The following MYO3B variants were observed in gnomAD, a reference collection of about 807,000 sequenced individuals.
The protein encoded by MYO3B is myosin IIIB.
A neutral mutation model predicts 174.6 loss-of-function variants in MYO3B; 156 were observed. The ratio of observed to expected loss-of-function variants is 0.89; its 90% confidence interval spans 0.78 to 1.02. The LOEUF (loss-of-function observed/expected upper bound fraction) is 1.02, where lower values mean the gene tolerates loss of function less well. MYO3B is among the 50% of genes least tolerant of loss of function. The pLI, the probability that MYO3B is intolerant of heterozygous loss-of-function variation, is 0.00. For synonymous variants in MYO3B, 563 were observed against 569.1 expected, an observed-to-expected ratio of 0.99 and a Z score of 0.15; for missense variants, 1,632 against 1,639.4, an observed-to-expected ratio of 1.00 and a Z score of 0.08.
chr2:170,523,090 ATC>A (rs1688783733), intron 30 of MYO3B, among the ~76,000 whole-genome samples: 2 of 152,128 alleles, frequency 1.3e-5, no homozygotes, highest in African/African-American at 2.4e-5. Context: ...TGGTGTTTCA[ATC>A]TCTCTGGTGC....
At chr2:170,472,462 G>T (rs1453595712) in intron 25 of MYO3B, among the ~76,000 whole-genome samples, 2 of 152,108 alleles carry the variant, frequency 1.3e-5, no homozygotes, top group Non-Finnish European at 2.9e-5. Flanking sequence ...TCAGTCTGCT[G>T]TCTTAGCCAA....
At chr2:170,400,402 CTTTTT>C (rs10676575) in intron 17 of MYO3B, 88 bp downstream of exon 17, 228 of 999,922 alleles carry the variant, frequency 2.3e-4, no homozygotes, top group Middle Eastern at 6.2e-4. Context: ...TTTGCTGGTC[CTTTTT>C]TTTTTTTTTT....
intron 32 of MYO3B, among the ~76,000 whole-genome samples, chr2:170,649,085 T>TATATAATGTATATTATATATAAAAC (rs1698680665): frequency 1.3e-5 from 1 of 76,014 alleles, no homozygotes; most frequent in African/African-American, 6.0e-5. Context: ...ATATATAAAA[T>TATATAATGTATATTATATATAAAAC]AATATATAAT....
chr2:170,386,118 AT>A (rs2094372322), intron 12 of MYO3B, 70 bp from the exon 13 acceptor site: 6 of 1,255,888 alleles, frequency 4.8e-6, no homozygotes, highest in South Asian at 2.5e-5. Context: ...ACAGTAGTGG[AT>A]GTTATATGAA....
At chr2:170,478,647 C>T (rs1195677323) in intron 25 of MYO3B, among the ~76,000 whole-genome samples, 2 of 148,568 alleles carry the variant, frequency 1.3e-5, no homozygotes, top group South Asian at 2.2e-4. Flanking sequence ...CAGCTCACTA[C>T]AACCTCCGCC....
chr2:170,572,947 A>G (rs898446358), intron 32 of MYO3B, among the ~76,000 whole-genome samples: 1 of 152,072 alleles, frequency 6.6e-6, no homozygotes, highest in Non-Finnish European at 1.5e-5. Flanking sequence ...AATTCATTGT[A>G]TAAACTCTAA....
intron 25 of MYO3B, among the ~76,000 whole-genome samples, chr2:170,489,634 GGTGTGTGTGTGT>G (rs369174830): frequency 1.4e-5 from 2 of 139,394 alleles, no homozygotes; most frequent in Middle Eastern, 3.6e-3. Flanking sequence ...AACCAGTAGG[GGTGTGTGTGTGT>G]GTGTGTGTGT....
In MYO3B at chr2:170,498,673, A is replaced by T. The variant is rs542400456; in HGVS notation, c.3096A>T (p.Arg1032Ser). The change falls in exon 26 of 35, where the codon AGA becomes AGT. Residue 1032 changes from arginine (R) to serine (S), a missense_variant. Transcript: ENST00000408978. ...GTGTGGCTATCTTGGAAAAGTCCAG[A>T]TTAGATCACTGGGTACTGGGAAAAA... ...ESCVAILEKS[R>S]LDHWVLGKTK... The T allele has an allele frequency of 6.2e-7, 1 of 1,613,526 alleles. No homozygotes were observed. Among genetic ancestry groups the T allele is most frequent in the South Asian group, 1.1e-5 (1 of 91,046 alleles).
chr2:170,646,676 G>C (rs768968766), intron 32 of MYO3B, among the ~76,000 whole-genome samples: 2 of 152,172 alleles, frequency 1.3e-5, no homozygotes, highest in South Asian at 4.1e-4. Flanking sequence ...GATTACAGGC[G>C]TGAGCCACCG....
intron 23 of MYO3B, among the ~76,000 whole-genome samples, chr2:170,444,829 A>G (rs1371346925): frequency 6.6e-6 from 1 of 152,206 alleles, no homozygotes; most frequent in Admixed American, 6.5e-5. Flanking sequence ...GTAATACCCT[A>G]CATTTCAACC....
chr2:170,557,147 TA>T lies in MYO3B; in HGVS notation c.3733+13160del, dbSNP rs200308467. On this transcript the variant is annotated intron_variant, in intron 32 of 34. Transcript: ENST00000408978. ...CTGCAGGGTTTTTTATTTTTATTTT[TA>T]TTTTTTTTTGAGACGGAGTCTCGCT... Among the ~76,000 whole-genome samples the T allele has an allele frequency of 9.2e-5, 13 of 141,652 alleles. 1 individual carries two copies. Among genetic ancestry groups the T allele is most frequent in the Admixed American group, 2.1e-4 (3 of 13,982 alleles). The allele number at this position is 141,652 out of a possible 152,430, so 92.9% of individuals were successfully genotyped here.
At chr2:170,249,347 C>A (rs2093226641) in intron 7 of MYO3B, among the ~76,000 whole-genome samples, 1 of 152,178 alleles carries the variant, frequency 6.6e-6, no homozygotes, top group Non-Finnish European at 1.5e-5. Flanking sequence ...AGAAAACAAA[C>A]CCACACCACC....
chr2:170,563,335 G>A (rs1227178978), intron 32 of MYO3B, among the ~76,000 whole-genome samples: 6 of 152,260 alleles, frequency 3.9e-5, no homozygotes, highest in African/African-American at 1.4e-4. Flanking sequence ...CCACATACAC[G>A]TAAAGGAGCA....
At chr2:170,584,119 C>A (rs1693342607) in intron 32 of MYO3B, among the ~76,000 whole-genome samples, 1 of 152,198 alleles carries the variant, frequency 6.6e-6, no homozygotes, top group Admixed American at 6.5e-5. Flanking sequence ...TGCATGCCAC[C>A]AGGCTTTTGG....
intron 7 of MYO3B, among the ~76,000 whole-genome samples, chr2:170,293,502 C>CA (rs1361372108): frequency 6.6e-6 from 1 of 152,064 alleles, no homozygotes; most frequent in Admixed American, 6.6e-5. Context: ...AATACTCTGT[C>CA]AGATTATAAA....
intron 32 of MYO3B, among the ~76,000 whole-genome samples, chr2:170,619,539 T>C (rs1171539067): frequency 1.3e-5 from 2 of 152,002 alleles, no homozygotes; most frequent in Non-Finnish European, 2.9e-5. Flanking sequence ...AAGTCTCAGT[T>C]TGGGGACGAG....
chr2:170,519,768 T>A, intron 30 of MYO3B: 2 of 403,582 alleles, frequency 5.0e-6, no homozygotes, highest in Non-Finnish European at 9.2e-6. Context: ...AGGTCAGGAG[T>A]TTGAGACTAG....
chr2:170,563,536 G>A (rs1357027531), intron 32 of MYO3B, among the ~76,000 whole-genome samples: 1 of 152,074 alleles, frequency 6.6e-6, no homozygotes, highest in East Asian at 1.9e-4. Flanking sequence ...CTCTCTATTG[G>A]CCAAACCACT....
At chr2:170,448,435 C>G (rs545345118) in intron 23 of MYO3B, among the ~76,000 whole-genome samples, 1 of 152,316 alleles carries the variant, frequency 6.6e-6, no homozygotes, top group South Asian at 2.1e-4. Flanking sequence ...ATGAAGACCA[C>G]TCTAACATCT....
Sources: allele counts gnomAD v4.1 joint callset (sites outside exome capture counted in the v4.1 genomes callset), GRCh38; gene constraint gnomAD v4.1.1; transcripts MANE v1.5; gene names NCBI Gene and HGNC (gene_info 2026-07-23, HGNC 2026-07-21).